METTL15: variants seen among roughly 807,000 people sequenced by gnomAD.
METTL15 encodes the protein methyltransferase 15, mitochondrial 12S rRNA N4-cytidine.
Under a neutral mutation model 38.3 loss-of-function variants are expected in METTL15, and 34 were observed. That is an observed-to-expected ratio of 0.89 (90% CI 0.68 to 1.18). The LOEUF (loss-of-function observed/expected upper bound fraction) is 1.18, where lower values mean the gene tolerates loss of function less well. Among genes scored for constraint, METTL15 ranks in the 50% most tolerant of loss-of-function variants. METTL15 has a pLI of 0.00. For synonymous variants in METTL15, 162 were observed against 170.9 expected (o/e 0.95, Z 0.41); for missense variants, 438 against 498.4 (o/e 0.88, Z 1.15).
chr11:28,230,364 T>G (rs757429627), intron 4 of METTL15, among the ~76,000 whole-genome samples: 2 of 151,910 alleles, frequency 1.3e-5, no homozygotes, highest in Non-Finnish European at 2.9e-5. Flanking sequence ...ATATTTGAAA[T>G]GCAAATGATA....
intron 3 of METTL15, among the ~76,000 whole-genome samples, chr11:28,177,907 T>C (rs1258493109): frequency 2.6e-5 from 4 of 151,972 alleles, no homozygotes; most frequent in African/African-American, 9.7e-5. Context: ...ATGAATTTAT[T>C]GTAAGGCTAT....
intron 3 of METTL15, among the ~76,000 whole-genome samples, chr11:28,207,664 A>T (rs769757525): frequency 1.3e-5 from 2 of 151,896 alleles, no homozygotes; most frequent in Admixed American, 1.3e-4. Flanking sequence ...CTATAGATTG[A>T]AATAGTTTCA....
intron 5 of METTL15, among the ~76,000 whole-genome samples, chr11:28,394,149 C>G (rs927413265): frequency 6.6e-6 from 1 of 151,700 alleles, no homozygotes; most frequent in Non-Finnish European, 1.5e-5. Flanking sequence ...AGTGGCAGAG[C>G]AGAGAGAGAG....
intron 4 of METTL15, among the ~76,000 whole-genome samples, chr11:28,289,723 C>G (rs1856433935): frequency 6.6e-6 from 1 of 152,024 alleles, no homozygotes; most frequent in Non-Finnish European, 1.5e-5. Flanking sequence ...TGCATAGCAC[C>G]CTATTCTAAT....
chr11:28,270,513 C>T (rs536461297), intron 4 of METTL15, among the ~76,000 whole-genome samples: 13 of 152,162 alleles, frequency 8.5e-5, no homozygotes, highest in African/African-American at 2.6e-4. Flanking sequence ...TAATATTATG[C>T]GGTGATCAAG....
chr11:28,239,010 CT>C (rs1854165011), intron 4 of METTL15, among the ~76,000 whole-genome samples: 1 of 151,862 alleles, frequency 6.6e-6, no homozygotes, highest in African/African-American at 2.4e-5. Flanking sequence ...TCATGTGTGC[CT>C]TCTTTTGCCC....
At chr11:28,310,914 C>CTGCTGCTGCTGCTGGTGG (rs1296842131) in intron 6 of METTL15, among the ~76,000 whole-genome samples, 2 of 110,126 alleles carry the variant, frequency 1.8e-5, no homozygotes, top group African/African-American at 7.3e-5. Context: ...GCTGCTGCTG[C>CTGCTGCTGCTGCTGGTGG]TGGTGGTGGT....
intron 4 of METTL15, chr11:28,261,649 C>T (rs950197641): frequency 6.6e-6 from 1 of 152,082 alleles, no homozygotes; most frequent in Non-Finnish European, 1.5e-5. Flanking sequence ...TTATACCACC[C>T]GTAACTGAAG....
intron 3 of METTL15, among the ~76,000 whole-genome samples, chr11:28,351,557 A>C (rs990418309): frequency 6.6e-6 from 1 of 152,238 alleles, no homozygotes; most frequent in Non-Finnish European, 1.5e-5. Flanking sequence ...TTCATGTGAG[A>C]AAGTGTTTTA....
chr11:28,390,120 G>A (rs1241514757), intron 5 of METTL15, among the ~76,000 whole-genome samples: 1 of 151,764 alleles, frequency 6.6e-6, no homozygotes, highest in East Asian at 1.9e-4. Context: ...TGTAGATTCT[G>A]GATATTAGCC....
At chr11:28,471,575 G>A (rs1314983202) in intron 6 of METTL15, among the ~76,000 whole-genome samples, 2 of 152,002 alleles carry the variant, frequency 1.3e-5, no homozygotes, top group Non-Finnish European at 2.9e-5. Flanking sequence ...TTGTGTGGGG[G>A]TTATGGCCTT....
intron 1 of METTL15, among the ~76,000 whole-genome samples, chr11:28,109,763 T>A (rs2133580266): frequency 6.6e-6 from 1 of 152,330 alleles, no homozygotes; most frequent in East Asian, 1.9e-4. Context: ...GCCACAGATG[T>A]TTTCACACCT....
At chr11:28,220,873 A>G (rs1349361091) in intron 4 of METTL15, among the ~76,000 whole-genome samples, 1 of 152,178 alleles carries the variant, frequency 6.6e-6, no homozygotes, top group Non-Finnish European at 1.5e-5. Flanking sequence ...TTTCTTTAAG[A>G]ATGTTGAATA....
intron 6 of METTL15, among the ~76,000 whole-genome samples, chr11:28,521,926 G>C (rs1211924338): frequency 6.6e-6 from 1 of 152,088 alleles, no homozygotes; most frequent in Admixed American, 6.5e-5. Context: ...CTTATATGCT[G>C]TCCACAACTC....
intron 3 of METTL15, among the ~76,000 whole-genome samples, chr11:28,190,515 T>C (rs1851663007): frequency 6.6e-6 from 1 of 151,226 alleles, no homozygotes; most frequent in Non-Finnish European, 1.5e-5. Context: ...AGAATTATTT[T>C]AGAATTACAA....
chr11:28,487,589 T>C (rs1263317435), intron 6 of METTL15, among the ~76,000 whole-genome samples: 3 of 152,166 alleles, frequency 2.0e-5, no homozygotes, highest in Admixed American at 6.6e-5. Context: ...ATTTCTCCTA[T>C]AATAAAGTCT....
At chr11:28,220,740 C>CTTGTAG (rs1318750470) in intron 4 of METTL15, among the ~76,000 whole-genome samples, 3 of 152,082 alleles carry the variant, frequency 2.0e-5, no homozygotes, top group Non-Finnish European at 4.4e-5. Flanking sequence ...TTCAGGAGCT[C>CTTGTAG]TTGTAGGGCA....
At position 28,525,880 on chromosome 11, in the gene METTL15, A is replaced by G. The variant is rs376352365; in HGVS notation, c.*425-598A>G. On this transcript the variant is annotated intron_variant and NMD_transcript_variant, in intron 6 of 7. Coordinates refer to the METTL15 transcript ENST00000532947. ...CTTGTTGGGGAGGCTCAGGCCACAC[A>G]GGAGCCCATGATGGAGAGGTGGGGA... is the stretch of plus-strand genomic sequence containing the variant. Among the ~76,000 whole-genome samples, 115 of 152,342 alleles carry G rather than the reference A, an allele frequency of 7.5e-4. 3 individuals are homozygous for G. The South Asian group carries it at 0.023, about 30-fold the overall frequency.
At chr11:28,272,113 G>T (rs773913347) in intron 4 of METTL15, among the ~76,000 whole-genome samples, 3 of 152,204 alleles carry the variant, frequency 2.0e-5, no homozygotes, top group Non-Finnish European at 4.4e-5. Context: ...CTCTTACACT[G>T]TTGGTGGGAA....
Sources: allele counts gnomAD v4.1 joint callset (sites outside exome capture counted in the v4.1 genomes callset), GRCh38; gene constraint gnomAD v4.1.1; transcripts MANE v1.5; gene names NCBI Gene and HGNC (gene_info 2026-07-23, HGNC 2026-07-21).